Variants in DSCAML1 observed in about 807,000 individuals in gnomAD.
The protein encoded by DSCAML1 is DS cell adhesion molecule like 1.
In DSCAML1, 38 loss-of-function variants were observed where a neutral mutation model predicts 200.5. The ratio of observed to expected loss-of-function variants is 0.19; its 90% confidence interval spans 0.15 to 0.25. The LOEUF (loss-of-function observed/expected upper bound fraction) is 0.25, where lower values mean the gene tolerates loss of function less well. Among genes scored for constraint, DSCAML1 ranks in the 10% least tolerant of loss-of-function variants. The pLI is 1.00. For missense variants in DSCAML1, 2,223 were observed against 2,858.8 expected (o/e 0.78, Z 5.07); for synonymous variants, 1,215 against 1,165.0 (o/e 1.04, Z -0.87).
At chr11:117,497,090 C>G (rs541733743) in intron 11 of DSCAML1, among the ~76,000 whole-genome samples, 19 of 152,278 alleles carry the variant, frequency 1.2e-4, no homozygotes, top group African/African-American at 4.1e-4. Flanking sequence ...ACTGGCGACA[C>G]ATGCCCTCGA....
chr11:117,701,780 C>G (rs1456781630), intron 3 of DSCAML1, among the ~76,000 whole-genome samples: 1 of 152,158 alleles, frequency 6.6e-6, no homozygotes, highest in Non-Finnish European at 1.5e-5. Flanking sequence ...GCTGATGGTG[C>G]CTGGTTCTAA....
At chr11:117,472,453 G>A (rs1247252363) in intron 14 of DSCAML1, among the ~76,000 whole-genome samples, 2 of 152,192 alleles carry the variant, frequency 1.3e-5, no homozygotes, top group African/African-American at 4.8e-5. Context: ...CAAAGCAGGA[G>A]GCTAAGTCTC....
chr11:117,548,458 A>C (rs904995012), intron 3 of DSCAML1, among the ~76,000 whole-genome samples: 3 of 152,172 alleles, frequency 2.0e-5, no homozygotes, highest in African/African-American at 7.2e-5. Context: ...GGCCCCTCTT[A>C]GACCCTCTCT....
At chr11:117,543,981 G>A (rs1354592161) in intron 3 of DSCAML1, among the ~76,000 whole-genome samples, 68 of 152,208 alleles carry the variant, frequency 4.5e-4, no homozygotes, top group Non-Finnish European at 5.9e-5. Flanking sequence ...TTCCTGCTTT[G>A]CCTCCCCCAT....
chr11:117,676,508 C>T (rs2053217067), intron 3 of DSCAML1, among the ~76,000 whole-genome samples: 1 of 152,216 alleles, frequency 6.6e-6, no homozygotes, highest in Non-Finnish European at 1.5e-5. Context: ...GCCTCTCCAG[C>T]CCTCTTTTTC....
At chr11:117,661,351 C>T (rs183414207) in intron 3 of DSCAML1, among the ~76,000 whole-genome samples, 77 of 152,256 alleles carry the variant, frequency 5.1e-4, no homozygotes, top group Non-Finnish European at 9.3e-4. Context: ...GGGCTTCTGC[C>T]GCAAGGGAGG....
chr11:117,451,814 CA>C (rs10579506), intron 19 of DSCAML1, among the ~76,000 whole-genome samples: 36,610 of 148,134 alleles, frequency 0.25, 4,781 homozygotes, highest in Non-Finnish European at 0.3. Context: ...GACTCCGTCT[CA>C]AAAAAAAAAA....
intron 17 of DSCAML1, among the ~76,000 whole-genome samples, chr11:117,464,686 G>C (rs1233421380): frequency 6.6e-6 from 1 of 152,158 alleles, no homozygotes; most frequent in Admixed American, 6.5e-5. Context: ...GCTCAGACAG[G>C]CCAACAGGTC....
chr11:117,440,707 C>A (rs957578606), intron 21 of DSCAML1, among the ~76,000 whole-genome samples: 2 of 152,018 alleles, frequency 1.3e-5, no homozygotes, highest in Non-Finnish European at 2.9e-5. Flanking sequence ...AGGTTGAAGT[C>A]AGAAGTTCAA....
chr11:117,471,759 C>CACCACCCCCTTTAACT, intron 15 of DSCAML1, 110 bp downstream of exon 15: 2 of 1,276,418 alleles, frequency 1.6e-6, no homozygotes, highest in South Asian at 1.6e-5. Flanking sequence ...CTTTTCCCCA[C>CACCACCCCCTTTAACT]GCCACCCCCT....
At chr11:117,543,770 T>C (rs931509817) in intron 3 of DSCAML1, among the ~76,000 whole-genome samples, 1 of 151,934 alleles carries the variant, frequency 6.6e-6, no homozygotes, top group Non-Finnish European at 1.5e-5. Context: ...AAGGCTGTTG[T>C]GATGTATATG....
intron 2 of DSCAML1, among the ~76,000 whole-genome samples, chr11:117,778,612 A>G (rs2055175301): frequency 6.6e-6 from 1 of 152,390 alleles, no homozygotes; most frequent in South Asian, 2.1e-4. Flanking sequence ...CACCTCTGCG[A>G]TTAACTGGCT....
At chr11:117,652,128 A>C (rs968947016) in intron 3 of DSCAML1, among the ~76,000 whole-genome samples, 8 of 152,208 alleles carry the variant, frequency 5.3e-5, no homozygotes, top group African/African-American at 1.9e-4. Context: ...GGACTTATCG[A>C]GATCCAGCTG....
At chr11:117,698,735 T>C (rs936959224) in intron 3 of DSCAML1, among the ~76,000 whole-genome samples, 1 of 152,206 alleles carries the variant, frequency 6.6e-6, no homozygotes, top group Non-Finnish European at 1.5e-5. Context: ...TTTGGAGAAA[T>C]GTCTATTCCA....
At chr11:117,764,476 C>T (rs2054857788) in intron 3 of DSCAML1, among the ~76,000 whole-genome samples, 1 of 152,230 alleles carries the variant, frequency 6.6e-6, no homozygotes, top group African/African-American at 2.4e-5. Flanking sequence ...TTGGGAATCA[C>T]TGTCTACATA....
intron 1 of DSCAML1, among the ~76,000 whole-genome samples, chr11:117,806,613 T>TA (rs1309773823): frequency 6.6e-6 from 1 of 152,230 alleles, no homozygotes. Context: ...ATAAGACTGG[T>TA]ATGATTATTA....
intron 3 of DSCAML1, among the ~76,000 whole-genome samples, chr11:117,698,456 T>C (rs2053618812): frequency 6.6e-6 from 1 of 152,210 alleles, no homozygotes; most frequent in South Asian, 2.1e-4. Context: ...CTATAAATAT[T>C]AAACAAAACT....
chr11:117,530,105 C>A (rs139115836), intron 4 of DSCAML1, among the ~76,000 whole-genome samples: 2 of 152,148 alleles, frequency 1.3e-5, no homozygotes, highest in African/African-American at 4.8e-5. Context: ...TCGGTACCGT[C>A]CCATCTTCAT....
Position 117,469,957 on chromosome 11 carries a change from C to T in DSCAML1, c.2977G>A (p.Val993Ile). 9 of 1,607,222 alleles carry T rather than the reference C, an allele frequency of 5.6e-6. No homozygotes were observed. The highest frequency in any genetic ancestry group is 7.7e-6 in the Non-Finnish European group (9 of 1,175,508). Residue 993 changes from valine to isoleucine, a missense_variant, in exon 16 of 33, where the codon GTT becomes ATT. This residue lies in a region of DSCAML1 where 438 missense variants were observed against 629.7 expected (regional missense o/e 0.70). Coordinates refer to ENST00000651296, the MANE Select transcript of DSCAML1 (RefSeq NM_020693.4). The surrounding 1 kb of genome is among the most constrained non-coding windows in gnomAD (Gnocchi z 4.1). Reference protein sequence around the residue: ...EAAPDGPPMDVTLQPVTSQSI... With the variant: ...EAAPDGPPMDITLQPVTSQSI... The stretch of plus-strand genomic sequence containing the variant: ...TGTGAGGTCACTGGCTGCAAGGTAA[C>T]ATCCATGGGGGGCCCATCGGGAGCT...
Sources: gnomAD v4.1 joint callset for allele counts (sites outside exome capture counted in the v4.1 genomes callset) on GRCh38, gnomAD v4.1.1 for gene constraint, gnomAD v4.1.1 regional missense constraint, Gnocchi (gnomAD v3.1) non-coding constraint, MANE v1.5 for transcripts, NCBI Gene and HGNC (gene_info 2026-07-23, HGNC 2026-07-21) for gene names.